Variants in NCOA1 observed in about 807,000 individuals in gnomAD.
NCOA1 encodes nuclear receptor coactivator 1.
A neutral mutation model predicts 150.9 loss-of-function variants in NCOA1; 35 were observed. The ratio of observed to expected loss-of-function variants is 0.23; its 90% CI spans 0.18 to 0.31. NCOA1 has a LOEUF of 0.31. NCOA1 is among the 10% of genes least tolerant of loss of function. The probability of loss-of-function intolerance (pLI) is 1.00; values close to 1 mark genes in which losing one functional copy is unlikely to be tolerated. For missense variants in NCOA1, 1,491 were observed against 1,749.3 expected, an observed-to-expected ratio of 0.85 and a Z score of 2.63; for synonymous variants, 590 against 630.0, an observed-to-expected ratio of 0.94 and a Z score of 0.95.
At chr2:24,717,905 C>CTTTT (rs34785770) in intron 14 of NCOA1, among the ~76,000 whole-genome samples, 1 of 138,062 alleles carries the variant, frequency 7.2e-6, no homozygotes, top group East Asian at 2.1e-4. Flanking sequence ...TGGTTAATAT[C>CTTTT]TTTTTTTTTT....
chr2:24,576,179 T>G (rs868267956), intron 2 of NCOA1, among the ~76,000 whole-genome samples: 14 of 105,996 alleles, frequency 1.3e-4, no homozygotes, highest in African/African-American at 3.6e-4. Context: ...TGTTTTTTTT[T>G]TTTTTTTTTT....
At chr2:24,671,078 G>T (rs1216947035) in intron 6 of NCOA1, among the ~76,000 whole-genome samples, 1 of 151,928 alleles carries the variant, frequency 6.6e-6, no homozygotes, top group Non-Finnish European at 1.5e-5. Flanking sequence ...TACAAAAGAG[G>T]AAATACCAAA....
At chr2:24,692,860 T>C (rs1672727010) in intron 9 of NCOA1, among the ~76,000 whole-genome samples, 1 of 152,072 alleles carries the variant, frequency 6.6e-6, no homozygotes, top group Non-Finnish European at 1.5e-5. Context: ...CTGTAACACG[T>C]TTTTGTTTTT....
At chr2:24,752,973 T>C (rs1218495745) in intron 20 of NCOA1, among the ~76,000 whole-genome samples, 1 of 152,144 alleles carries the variant, frequency 6.6e-6, no homozygotes, top group Non-Finnish European at 1.5e-5. Flanking sequence ...TTAGTTATAA[T>C]GACAGGGAAG....
chr2:24,695,221 A>G (rs1181394622), intron 10 of NCOA1, among the ~76,000 whole-genome samples: 4 of 152,172 alleles, frequency 2.6e-5, no homozygotes, highest in Admixed American at 1.3e-4. Context: ...ATGTATAAAT[A>G]TATAAAAATA....
intron 19 of NCOA1, among the ~76,000 whole-genome samples, chr2:24,749,001 A>G (rs1027463643): frequency 2.6e-5 from 4 of 152,238 alleles, no homozygotes; most frequent in African/African-American, 7.2e-5. Flanking sequence ...CCTTAAAAGT[A>G]TTTAACTGTG....
At chr2:24,576,163 G>GGTTT (rs1666961530) in intron 2 of NCOA1, among the ~76,000 whole-genome samples, 1 of 92,734 alleles carries the variant, frequency 1.1e-5, no homozygotes, top group Non-Finnish European at 2.1e-5. Flanking sequence ...TTTTTTTTTT[G>GGTTT]TTTTTTGTTT....
At chr2:24,543,780 A>G (rs1665495087) in intron 1 of NCOA1, among the ~76,000 whole-genome samples, 1 of 152,190 alleles carries the variant, frequency 6.6e-6, no homozygotes, top group African/African-American at 2.4e-5. Flanking sequence ...GTCACTAGGT[A>G]TTATATCACA....
chr2:24,552,321 T>TTTTATATATA (rs1262879918), intron 1 of NCOA1, among the ~76,000 whole-genome samples: 3 of 30,584 alleles, frequency 9.8e-5, no homozygotes, highest in Non-Finnish European at 1.7e-4. Flanking sequence ...TTCATATATA[T>TTTTATATATA]TATATATATA....
At chr2:24,693,707 A>G (rs888975369) in intron 10 of NCOA1, among the ~76,000 whole-genome samples, 3 of 151,338 alleles carry the variant, frequency 2.0e-5, no homozygotes, top group South Asian at 2.1e-4. Flanking sequence ...TAGTTTTACT[A>G]TTATGCTTAA....
At chr2:24,718,009 G>A (rs188406688) in intron 14 of NCOA1, among the ~76,000 whole-genome samples, 171 of 150,478 alleles carry the variant, frequency 1.1e-3, no homozygotes, top group Non-Finnish European at 1.9e-3. Flanking sequence ...CAATTCTCGT[G>A]CCTCAGCCTT....
intron 3 of NCOA1, among the ~76,000 whole-genome samples, chr2:24,609,189 A>G (rs908181401): frequency 6.6e-6 from 1 of 152,224 alleles, no homozygotes; most frequent in Non-Finnish European, 1.5e-5. Flanking sequence ...ATTATTTGGA[A>G]TTCTTCTGTA....
chr2:24,506,216 A>AT (rs942868372), intron 1 of NCOA1, among the ~76,000 whole-genome samples: 3 of 149,622 alleles, frequency 2.0e-5, no homozygotes, highest in African/African-American at 7.4e-5. Context: ...TATGTAGTAA[A>AT]TTTTTTTCCA....
chr2:24,508,655 G>T (rs2148099347), intron 1 of NCOA1, among the ~76,000 whole-genome samples: 2 of 151,670 alleles, frequency 1.3e-5, no homozygotes, highest in South Asian at 4.2e-4. Context: ...TTTATCTTTT[G>T]AAGAACCTGT....
intron 1 of NCOA1, among the ~76,000 whole-genome samples, chr2:24,523,834 G>A (rs1385761655): frequency 7.1e-6 from 1 of 140,368 alleles, no homozygotes; most frequent in Non-Finnish European, 1.5e-5. Context: ...GCTGAGGCAG[G>A]AGAATCGCTT....
At chr2:24,731,283 C>T (rs1442539012) in intron 17 of NCOA1, among the ~76,000 whole-genome samples, 1 of 152,116 alleles carries the variant, frequency 6.6e-6, no homozygotes, top group African/African-American at 2.4e-5. Context: ...GTCCCAGTTC[C>T]AAACTTAAGT....
chr2:24,689,242 T>C (rs1390550636), intron 8 of NCOA1, among the ~76,000 whole-genome samples: 1 of 152,218 alleles, frequency 6.6e-6, no homozygotes, highest in Non-Finnish European at 1.5e-5. Context: ...AATAATTTCT[T>C]CCAGTTCTGT....
intron 19 of NCOA1, among the ~76,000 whole-genome samples, chr2:24,744,989 T>A (rs1395337010): frequency 6.6e-6 from 1 of 152,188 alleles, no homozygotes; most frequent in Non-Finnish European, 1.5e-5. Context: ...TGCCTTAGCC[T>A]CTTTCCACTT....
In NCOA1 at chr2:24,494,224, C is replaced by T. The variant is rs377297722; in HGVS notation, c.-396+2622C>T. On this transcript the variant is annotated intron_variant, in intron 1 of 22. Coordinates refer to ENST00000348332, the MANE Select transcript of NCOA1 (RefSeq NM_003743.5). ...TGGGCATTTTCTTGAAATTCTTTTC[C>T]CCAATTCTGTATAGGGAATCTGTAT... 1.2e-4 allele frequency among the ~76,000 whole-genome samples: 18 copies of T among 152,138 alleles called. No individual in the cohort carries two copies. The East Asian group carries it at 3.3e-3, about 28-fold the overall frequency.
Sources: allele counts gnomAD v4.1 joint callset (sites outside exome capture counted in the v4.1 genomes callset), GRCh38; gene constraint gnomAD v4.1.1; transcripts MANE v1.5; gene names NCBI Gene and HGNC (gene_info 2026-07-23, HGNC 2026-07-21).